Variants in HCRTR2 observed in about 807,000 individuals in gnomAD.
HCRTR2 encodes the protein orexin receptor type 2.
HCRTR2 carries 22 observed loss-of-function variants against 49.0 expected under a neutral mutation model. The ratio of observed to expected loss-of-function variants is 0.45; its 90% CI spans 0.32 to 0.64. The LOEUF is 0.64. HCRTR2 is among the 30% of genes least tolerant of loss of function. HCRTR2 has a pLI of 0.04. For missense variants in HCRTR2, 491 were observed against 559.4 expected (o/e 0.88, Z 1.23); for synonymous variants, 236 against 205.3 (o/e 1.15, Z -1.28).
intron 1 of HCRTR2, among the ~76,000 whole-genome samples, chr6:55,141,931 G>T (rs987389014): frequency 6.6e-6 from 1 of 152,000 alleles, no homozygotes; most frequent in South Asian, 2.1e-4. Context: ...ATAAATTAAA[G>T]ATGTCAAACA....
chr6:55,132,504 G>A (rs1764371576), intron 1 of HCRTR2, among the ~76,000 whole-genome samples: 1 of 151,934 alleles, frequency 6.6e-6, no homozygotes, highest in Non-Finnish European at 1.5e-5. Context: ...AACAGCATTA[G>A]ATGTTACACA....
chr6:55,133,639 C>T (rs763837633), intron 1 of HCRTR2, among the ~76,000 whole-genome samples: 2 of 149,322 alleles, frequency 1.3e-5, no homozygotes, highest in South Asian at 2.1e-4. Context: ...TATATATCTA[C>T]ATGTATTTAT....
intron 4 of HCRTR2, among the ~76,000 whole-genome samples, chr6:55,276,489 C>G (rs1767079064): frequency 6.6e-6 from 1 of 152,172 alleles, no homozygotes; most frequent in Admixed American, 6.5e-5. Flanking sequence ...ATAATCTTAA[C>G]AGAGCTAAGG....
chr6:55,204,231 C>A lies in HCRTR2; in HGVS notation c.223+29421C>A, dbSNP rs550899320. ...ACTCATGGAAGTTGGTAGATGAATA[C>A]CCCAGCTCTCATATTCCTTGGGTGG... On this transcript the variant is annotated intron_variant, in intron 1 of 6. Transcript: ENST00000370862. Among the ~76,000 whole-genome samples the A allele has an allele frequency of 3.3e-5, 5 of 152,218 alleles. No individual in the cohort carries two copies. The East Asian group carries it at 7.8e-4, about 24-fold the overall frequency.
chr6:55,145,130 T>A (rs1413088092), intron 1 of HCRTR2, among the ~76,000 whole-genome samples: 1 of 150,330 alleles, frequency 6.7e-6, no homozygotes, highest in East Asian at 1.9e-4. Context: ...ATGTGCTCCC[T>A]CCTTCTCATT....
chr6:55,189,409 G>C (rs148932321), intron 1 of HCRTR2, among the ~76,000 whole-genome samples: 1 of 152,242 alleles, frequency 6.6e-6, no homozygotes, highest in East Asian at 1.9e-4. Flanking sequence ...AACATGAGAG[G>C]CAGTCTGAAG....
At chr6:55,115,327 T>G (rs563379383) in intron 1 of HCRTR2, among the ~76,000 whole-genome samples, 9 of 151,758 alleles carry the variant, frequency 5.9e-5, no homozygotes, top group Non-Finnish European at 1.2e-4. Context: ...TAGAGACTTT[T>G]CATTTAAAAG....
At chr6:55,166,152 T>A (rs972828461) in intron 1 of HCRTR2, among the ~76,000 whole-genome samples, 1 of 152,120 alleles carries the variant, frequency 6.6e-6, no homozygotes. Context: ...TATTGAATCA[T>A]CCTTCCACCC....
chr6:55,275,360 A>C (rs1387639489), intron 4 of HCRTR2, among the ~76,000 whole-genome samples: 1 of 152,156 alleles, frequency 6.6e-6, no homozygotes, highest in African/African-American at 2.4e-5. Context: ...TTAGGGATGC[A>C]TTAAGGATTA....
In HCRTR2 at chr6:55,248,839, T is replaced by G. The variant is rs200599249; in HGVS notation, c.402+22T>G. On this transcript the variant is annotated intron_variant, in intron 2 of 6. Coordinates refer to ENST00000370862, the MANE Select transcript of HCRTR2 (RefSeq NM_001384272.1). The stretch of plus-strand genomic sequence containing the variant: ...ACAGGTAATTGTTTTTAATGCTTTT[T>G]TGAAGCTACTAAAAAGAATGTTCAG... 2.5e-6 allele frequency: 4 copies of G among 1,598,912 alleles called. No homozygotes were observed. The East Asian group carries it at 8.9e-5, about 36-fold the overall frequency.
upstream of HCRTR2, among the ~76,000 whole-genome samples, chr6:55,173,668 G>T (rs974326172): frequency 2.0e-5 from 3 of 152,062 alleles, no homozygotes; most frequent in Non-Finnish European, 4.4e-5. Flanking sequence ...GTATATTGGT[G>T]GTCTGTCATG....
chr6:55,181,052 C>T (rs9475193), intron 1 of HCRTR2, among the ~76,000 whole-genome samples: 68,342 of 151,270 alleles, frequency 0.45, 15,648 homozygotes, highest in East Asian at 0.47. Flanking sequence ...GTTATCTACC[C>T]ACCTCAGCCT....
intron 1 of HCRTR2, among the ~76,000 whole-genome samples, chr6:55,241,776 A>G (rs1766336156): frequency 6.6e-6 from 1 of 150,890 alleles, no homozygotes; most frequent in Non-Finnish European, 1.5e-5. Context: ...AGGCATTTTC[A>G]TTCTGTATTG....
At chr6:55,252,033 T>C (rs571402759) in intron 2 of HCRTR2, among the ~76,000 whole-genome samples, 37 of 152,186 alleles carry the variant, frequency 2.4e-4, no homozygotes, top group Non-Finnish European at 4.4e-4. Flanking sequence ...TAATTACTTA[T>C]GATAAAATGC....
intron 1 of HCRTR2, among the ~76,000 whole-genome samples, chr6:55,126,584 G>A (rs1026606630): frequency 1.3e-5 from 2 of 152,212 alleles, no homozygotes; most frequent in Non-Finnish European, 2.9e-5. Context: ...GGACCCAGTT[G>A]AGGAGGCAAT....
chr6:55,182,713 G>A (rs1642569899), intron 1 of HCRTR2, among the ~76,000 whole-genome samples: 1 of 152,180 alleles, frequency 6.6e-6, no homozygotes, highest in African/African-American at 2.4e-5. Flanking sequence ...TTTGACTTCA[G>A]TTTCGGGATA....
At position 55,163,425 on chromosome 6, in the gene HCRTR2, G is replaced by C. The variant is rs555091445; in HGVS notation, c.-377-10786G>C. Among the ~76,000 whole-genome samples, 6 of 152,238 alleles carry C rather than the reference G, an allele frequency of 3.9e-5. No homozygotes were observed. In the South Asian group the frequency reaches 1.0e-3, roughly 26 times the overall value. On this transcript the variant is annotated intron_variant, in intron 1 of 7. Coordinates refer to the HCRTR2 transcript ENST00000615358. ...ACAGCATGGTATTGGTATGAAAACAGATATATAGACCAATGGAACAGAACA... is the reference window on the plus strand; with the variant it reads ...ACAGCATGGTATTGGTATGAAAACACATATATAGACCAATGGAACAGAACA...
At chr6:55,119,119 A>T (rs905986806) in intron 1 of HCRTR2, among the ~76,000 whole-genome samples, 1 of 152,032 alleles carries the variant, frequency 6.6e-6, no homozygotes, top group Non-Finnish European at 1.5e-5. Context: ...ACATGAACTC[A>T]TTCTTTTTCA....
intron 1 of HCRTR2, among the ~76,000 whole-genome samples, chr6:55,116,973 C>T (rs557513646): frequency 1.3e-5 from 2 of 151,756 alleles, no homozygotes; most frequent in South Asian, 2.1e-4. Flanking sequence ...TGACAAAGAC[C>T]GGGGCACTCC....
Sources: gnomAD v4.1 joint callset for allele counts (sites outside exome capture counted in the v4.1 genomes callset) on GRCh38, gnomAD v4.1.1 for gene constraint, MANE v1.5 for transcripts, NCBI Gene and HGNC (gene_info 2026-07-23, HGNC 2026-07-21) for gene names.